The following CLEC4A variants were observed in gnomAD, a reference collection of about 807,000 sequenced individuals.
CLEC4A encodes C-type lectin domain family 4 member A.
Under a neutral mutation model 32.7 loss-of-function variants are expected in CLEC4A, and 27 were observed. That is an observed-to-expected ratio of 0.83 (90% CI 0.61 to 1.14). The LOEUF is 1.14. Ranked by LOEUF, CLEC4A falls within the 50% of genes most tolerant of loss-of-function variation. The probability of loss-of-function intolerance (pLI) is 0.00; values close to 1 mark genes in which losing one functional copy is unlikely to be tolerated. For missense variants in CLEC4A, 253 were observed against 274.6 expected, an observed-to-expected ratio of 0.92 and a Z score of 0.55; for synonymous variants, 89 against 93.7, an observed-to-expected ratio of 0.95 and a Z score of 0.29.
the CLEC4A span, among the ~76,000 whole-genome samples, chr12:8,114,823 G>T: frequency 2.6e-5 from 4 of 152,050 alleles, no homozygotes; most frequent in African/African-American, 7.2e-5. Context: ...TTCTACTCCA[G>T]TTAGATGACT....
chr12:8,124,087 T>C, intron 1 of CLEC4A, 127 bp downstream of exon 1: 1 of 669,356 alleles, frequency 1.5e-6, no homozygotes, highest in Non-Finnish European at 2.7e-6. Flanking sequence ...AACACAAGAG[T>C]CCCAGAAGAT....
At chr12:8,109,708 C>T in the CLEC4A span, among the ~76,000 whole-genome samples, 37 of 152,182 alleles carry the variant, frequency 2.4e-4, no homozygotes, top group African/African-American at 8.9e-4. Context: ...CAGAGTGAGA[C>T]ACTGTCTCTA....
chr12:8,115,943 C>T, the CLEC4A span, among the ~76,000 whole-genome samples: 1 of 151,950 alleles, frequency 6.6e-6, no homozygotes, highest in Admixed American at 6.6e-5. Flanking sequence ...TGTGTGCTAC[C>T]ATGCCTGGCT....
chr12:8,103,048 C>T, the CLEC4A span, among the ~76,000 whole-genome samples: 2 of 152,248 alleles, frequency 1.3e-5, no homozygotes, highest in Admixed American at 1.3e-4. Flanking sequence ...TCTAGCTCAA[C>T]TCCCCTTAAT....
At chr12:8,106,580 A>G in the CLEC4A span, among the ~76,000 whole-genome samples, 2 of 152,172 alleles carry the variant, frequency 1.3e-5, no homozygotes, top group Non-Finnish European at 2.9e-5. Context: ...AGTGTTTTGT[A>G]ATACTTGCTG....
the CLEC4A span, among the ~76,000 whole-genome samples, chr12:8,116,398 G>A: frequency 6.6e-6 from 1 of 152,148 alleles, no homozygotes; most frequent in Non-Finnish European, 1.5e-5. Context: ...CATCGTACCT[G>A]GCCGTTAATA....
chr12:8,132,529 A>G lies in CLEC4A; in HGVS notation c.299-3056A>G, dbSNP rs76644952. ...AAAACGATATGATTTCAGCAATTTT[A>G]AATTAGTCGATGTTATTTAATGTCC... On this transcript the variant is annotated intron_variant, in intron 3 of 5. Coordinates refer to ENST00000229332, the MANE Select transcript of CLEC4A (RefSeq NM_016184.4). 3.5e-3 allele frequency among the ~76,000 whole-genome samples: 532 copies of G among 152,272 alleles called. 4 individuals are homozygous for G. The highest frequency in any genetic ancestry group is 0.012 in the African/African-American group (509 of 41,564).
chr12:8,117,024 T>G, the CLEC4A span, among the ~76,000 whole-genome samples: 1 of 152,178 alleles, frequency 6.6e-6, no homozygotes, highest in Non-Finnish European at 1.5e-5. Context: ...AACTTTGGCT[T>G]TTGGTCTCTT....
upstream of CLEC4A, among the ~76,000 whole-genome samples, chr12:8,119,437 T>A (rs1947813926): frequency 1.3e-5 from 2 of 152,226 alleles, no homozygotes. Flanking sequence ...TTGGTCAGGC[T>A]GGTCTCGATC....
intron 2 of CLEC4A, among the ~76,000 whole-genome samples, chr12:8,127,373 C>A (rs1259639931): frequency 3.3e-5 from 5 of 152,176 alleles, no homozygotes; most frequent in African/African-American, 7.2e-5. Flanking sequence ...TTCTATTGGC[C>A]AAAAGAAGTC....
At chr12:8,121,311 A>T (rs779401886), upstream of CLEC4A, 18 of 152,360 alleles carry the variant, frequency 1.2e-4, no homozygotes, top group African/African-American at 4.3e-4. Flanking sequence ...GTGCATGTAT[A>T]CCTGTCTACG....
At chr12:8,107,837 A>G in the CLEC4A span, among the ~76,000 whole-genome samples, 1 of 151,254 alleles carries the variant, frequency 6.6e-6, no homozygotes, top group East Asian at 1.9e-4. Context: ...TAAAAAACAA[A>G]CTGTGGGATT....
chr12:8,117,233 T>G, the CLEC4A span, among the ~76,000 whole-genome samples: 1 of 64 alleles, frequency 0.016, no homozygotes, highest in Non-Finnish European at 0.17. Context: ...TGGGCTCTTC[T>G]TTTTTTTTTT....
At chr12:8,113,749 A>C in the CLEC4A span, among the ~76,000 whole-genome samples, 18 of 152,294 alleles carry the variant, frequency 1.2e-4, no homozygotes, top group East Asian at 3.3e-3. Context: ...AGACTAGAAG[A>C]GTTAAATGGG....
chr12:8,112,662 G>A, the CLEC4A span, among the ~76,000 whole-genome samples: 172 of 151,910 alleles, frequency 1.1e-3, no homozygotes, highest in Non-Finnish European at 5.9e-4. Flanking sequence ...GGGCAATCCT[G>A]TTCTACCTCA....
rs1947892658 is a variant in CLEC4A, at chr12:8,125,826, A to G, written c.199+149A>G. 55 of 620,158 alleles carry G rather than the reference A, an allele frequency of 8.9e-5. 4 individuals carry two copies. In the South Asian group the frequency reaches 1.1e-3, roughly 12 times the overall value. The allele number at this position is 620,158 out of a possible 1,614,324, so 38.4% of individuals were successfully genotyped here. A position where few individuals can be genotyped will look rare whatever the true frequency, so the allele number is the denominator to read the frequency against. Reference sequence around the variant, plus strand: ...CATAATTCATGGGAATCCACTGTGAATTTTGCTCTTTATTTGGATTTAGTT... The same window carrying G: ...CATAATTCATGGGAATCCACTGTGAGTTTTGCTCTTTATTTGGATTTAGTT... On this transcript the variant is annotated intron_variant, in intron 2 of 5. Coordinates refer to ENST00000229332, the MANE Select transcript of CLEC4A (RefSeq NM_016184.4).
the CLEC4A span, among the ~76,000 whole-genome samples, chr12:8,103,081 G>C: frequency 3.3e-5 from 5 of 152,050 alleles, no homozygotes; most frequent in Non-Finnish European, 7.4e-5. Flanking sequence ...TACTTGTCTT[G>C]TTATAATGTG....
At chr12:8,114,027 G>A in the CLEC4A span, among the ~76,000 whole-genome samples, 4,809 of 152,168 alleles carry the variant, frequency 0.032, 251 homozygotes, top group African/African-American at 0.11. Flanking sequence ...TCCCTGGGAC[G>A]GAAAGCAAGA....
At chr12:8,116,564 G>T in the CLEC4A span, among the ~76,000 whole-genome samples, 9 of 152,196 alleles carry the variant, frequency 5.9e-5, no homozygotes, top group Non-Finnish European at 1.0e-4. Context: ...TTTAAATCAA[G>T]AATATAATAG....
Sources: allele counts gnomAD v4.1 joint callset (sites outside exome capture counted in the v4.1 genomes callset), GRCh38; gene constraint gnomAD v4.1.1; transcripts MANE v1.5; gene names NCBI Gene and HGNC (gene_info 2026-07-23, HGNC 2026-07-21).